LAMA1: variants seen among roughly 807,000 people sequenced by gnomAD.
The protein encoded by LAMA1 is laminin subunit alpha 1.
A neutral mutation model predicts 348.7 loss-of-function variants in LAMA1; 219 were observed. The ratio of observed to expected loss-of-function variants is 0.63; its 90% CI spans 0.56 to 0.70. The LOEUF is 0.70. Ranked by LOEUF, LAMA1 falls within the 30% of genes least tolerant of loss-of-function variation. The probability of loss-of-function intolerance (pLI) is 0.00; values close to 1 mark genes in which losing one functional copy is unlikely to be tolerated. For synonymous variants in LAMA1, 1,487 were observed against 1,491.0 expected (o/e 1.00, Z 0.06); for missense variants, 3,744 against 3,888.0 (o/e 0.96, Z 0.99).
chr18:6,942,066 T>C lies in LAMA1; in HGVS notation c.*13A>G. 1 of 1,614,066 alleles carries C rather than the reference T, an allele frequency of 6.2e-7. No individual in the cohort carries two copies. ...TATTAGCAATGATTCCAACTGAGGA[T>C]TCTGCTTGAAGTTCAGGACTCGGTC... On this transcript the variant is annotated 3_prime_UTR_variant, in exon 63 of 63. Transcript: ENST00000389658.
chr18:6,966,061 A>G (rs1243376546), intron 49 of LAMA1, 86 bp downstream of exon 49: 1 of 1,438,278 alleles, frequency 7.0e-7, no homozygotes, highest in Non-Finnish European at 9.7e-7. Flanking sequence ...ATATTTAATT[A>G]GTAAATCCTC....
intron 42 of LAMA1, 70 bp from the exon 43 acceptor site, chr18:6,978,448 A>G: frequency 6.6e-6 from 9 of 1,369,774 alleles, no homozygotes; most frequent in Non-Finnish European, 9.3e-6. Context: ...AAACGACAAC[A>G]AATGTAATTT....
In LAMA1 at chr18:6,942,117, C is replaced by G; in HGVS notation, c.9190G>C (p.Gly3064Arg). ...FDFSRAFELH[G>R]VFLHSCPGTE... ...CCAGGACAGGAATGAAGGAAAACTC[C>G]GTGCAGTTCGAACGCTCTGCTGAAG... The change falls in exon 63 of 63, where the codon GGA becomes CGA. Residue 3064 changes from glycine (G) to arginine (R), a missense_variant. By Grantham distance (125) the Gly-to-Arg change is moderately radical (BLOSUM62 -2). This residue lies in a region of LAMA1 where 232 missense variants were observed against 264.4 expected (regional missense o/e 0.88). Coordinates refer to ENST00000389658, the MANE Select transcript of LAMA1 (RefSeq NM_005559.4). The G allele has an allele frequency of 6.2e-7, 1 of 1,614,164 alleles. No individual in the cohort carries two copies.
chr18:7,098,057 G>A (rs1362646638), intron 1 of LAMA1, among the ~76,000 whole-genome samples: 1 of 150,670 alleles, frequency 6.6e-6, no homozygotes, highest in African/African-American at 2.4e-5. Context: ...CGCTGTGTTG[G>A]CCAGGCCGGT....
intron 1 of LAMA1, among the ~76,000 whole-genome samples, chr18:7,107,874 C>G (rs998799058): frequency 3.3e-5 from 5 of 151,392 alleles, no homozygotes; most frequent in African/African-American, 9.7e-5. Flanking sequence ...ATTAGCCGGG[C>G]CTGGTGGCGG....
chr18:7,098,718 GGGGGGGTC>G (rs1425069471), intron 1 of LAMA1, among the ~76,000 whole-genome samples: 8 of 145,128 alleles, frequency 5.5e-5, no homozygotes, highest in Non-Finnish European at 1.2e-4. Context: ...GGAGGGAGGT[GGGGGGGTC>G]AGCCCCCCGC....
chr18:6,953,668 C>T (rs1018762450), intron 57 of LAMA1: 17 of 152,218 alleles, frequency 1.1e-4, no homozygotes, highest in African/African-American at 3.9e-4. Flanking sequence ...ATCTCCTTAT[C>T]TGTTAAATGG....
chr18:7,032,273 T>A, intron 15 of LAMA1, 97 bp from the exon 16 acceptor site: 1 of 763,528 alleles, frequency 1.3e-6, no homozygotes, highest in Non-Finnish European at 2.3e-6. Context: ...TTAAACATCT[T>A]AACTGAGGTA....
intron 3 of LAMA1, among the ~76,000 whole-genome samples, chr18:7,059,348 T>C (rs1340366836): frequency 2.0e-5 from 3 of 152,226 alleles, no homozygotes; most frequent in Non-Finnish European, 4.4e-5. Context: ...GTCAATGTAG[T>C]CTTGCTAAAC....
At chr18:7,008,418 C>A in intron 28 of LAMA1, 70 bp downstream of exon 28, 1 of 1,578,928 alleles carries the variant, frequency 6.3e-7, no homozygotes, top group Non-Finnish European at 8.7e-7. Context: ...CTGTTCATCT[C>A]TGGGAGTTGC....
intron 30 of LAMA1, 85 bp from the exon 31 acceptor site, chr18:7,000,082 C>T: frequency 1.0e-6 from 1 of 955,620 alleles, no homozygotes; most frequent in Non-Finnish European, 1.7e-6. Flanking sequence ...TCTTAGGATA[C>T]ACCATACTGG....
intron 1 of LAMA1, among the ~76,000 whole-genome samples, chr18:7,105,171 G>A (rs1011106067): frequency 3.3e-5 from 5 of 152,138 alleles, no homozygotes; most frequent in African/African-American, 1.2e-4. Flanking sequence ...AGGCGCAGTG[G>A]CTCACACCTG....
At chr18:7,058,940 A>T (rs1352567000) in intron 3 of LAMA1, among the ~76,000 whole-genome samples, 1 of 152,096 alleles carries the variant, frequency 6.6e-6, no homozygotes, top group Non-Finnish European at 1.5e-5. Flanking sequence ...CCCAGGCTGG[A>T]GTGCAATGGC....
intron 39 of LAMA1, among the ~76,000 whole-genome samples, chr18:6,984,722 C>T (rs2057726662): frequency 6.6e-6 from 1 of 152,186 alleles, no homozygotes; most frequent in Non-Finnish European, 1.5e-5. Flanking sequence ...AATTGTATTA[C>T]AATGGCAGAC....
chr18:7,048,822 T>A (rs7227261), intron 5 of LAMA1, among the ~76,000 whole-genome samples: 5,367 of 152,150 alleles, frequency 0.035, 326 homozygotes, highest in African/African-American at 0.12. Flanking sequence ...ACAAAGACCA[T>A]GGCATTCACC....
At chr18:6,954,004 A>C (rs1470415844) in intron 57 of LAMA1, 2 of 152,732 alleles carry the variant, frequency 1.3e-5, no homozygotes, top group Admixed American at 6.5e-5. Flanking sequence ...TGGTGGACGG[A>C]TGAAGGAGCT....
chr18:7,084,020 C>G (rs897300324), intron 1 of LAMA1, among the ~76,000 whole-genome samples: 45 of 124,806 alleles, frequency 3.6e-4, no homozygotes, highest in African/African-American at 1.4e-3. Context: ...TTGCAGTGAG[C>G]TGAGATCACG....
intron 48 of LAMA1, among the ~76,000 whole-genome samples, chr18:6,971,499 G>A (rs1055260630): frequency 1.4e-4 from 22 of 152,148 alleles, no homozygotes; most frequent in Non-Finnish European, 2.5e-4. Flanking sequence ...TGTCTGAAAC[G>A]TTTAGGGTTT....
At chr18:6,978,566 GT>G (rs1384027053) in intron 42 of LAMA1, among the ~76,000 whole-genome samples, 188 bp from the exon 43 acceptor site, 1 of 151,948 alleles carries the variant, frequency 6.6e-6, no homozygotes, top group Non-Finnish European at 1.5e-5. Flanking sequence ...AGAGCTTCTT[GT>G]TTCTAATGGC....
Sources: gnomAD v4.1 joint callset for allele counts (sites outside exome capture counted in the v4.1 genomes callset) on GRCh38, gnomAD v4.1.1 for gene constraint, gnomAD v4.1.1 regional missense constraint, MANE v1.5 for transcripts, NCBI Gene and HGNC (gene_info 2026-07-23, HGNC 2026-07-21) for gene names.